IGF2BP2: variants seen among roughly 807,000 people sequenced by gnomAD.
IGF2BP2 encodes the protein insulin-like growth factor 2 mRNA-binding protein 2.
Under a neutral mutation model 75.8 loss-of-function variants are expected in IGF2BP2, and 17 were observed. That is an observed-to-expected ratio of 0.22 (90% CI 0.15 to 0.34). The LOEUF is 0.34. IGF2BP2 is among the 10% of genes least tolerant of loss of function. The probability of loss-of-function intolerance (pLI) is 1.00; values close to 1 mark genes in which losing one functional copy is unlikely to be tolerated. For missense variants in IGF2BP2, 516 were observed against 772.4 expected (o/e 0.67, Z 3.93); for synonymous variants, 288 against 295.6 (o/e 0.97, Z 0.26).
At chr3:185,824,744 G>C (rs761495115) in intron 1 of IGF2BP2, 39 bp downstream of exon 1, 115 of 1,263,210 alleles carry the variant, frequency 9.1e-5, no homozygotes, top group Non-Finnish European at 1.1e-4. Context: ...CGGCCTGAGC[G>C]GGGCGAGGCG....
At position 185,797,679 on chromosome 3, in the gene IGF2BP2, G is replaced by A. The variant is rs547807206; in HGVS notation, c.239+25474C>T. On this transcript the variant is annotated intron_variant, in intron 2 of 15. Coordinates refer to ENST00000382199, the MANE Select transcript of IGF2BP2 (RefSeq NM_006548.6). ...AGCACTGTGGGAGGCCAATGCAGGC[G>A]GATCAGCTGGGCCCAGGAGTTCGAG... Among the ~76,000 whole-genome samples the A allele has an allele frequency of 1.4e-4, 22 of 152,186 alleles. No individual in the cohort carries two copies. The East Asian group carries it at 3.1e-3, about 21-fold the overall frequency.
intron 7 of IGF2BP2, 105 bp downstream of exon 7, chr3:185,686,952 C>T (rs1164608567): frequency 1.6e-6 from 2 of 1,274,406 alleles, no homozygotes; most frequent in East Asian, 4.7e-5. Context: ...GCCTCTGTTA[C>T]TGAGTAACAG....
At position 185,667,518 on chromosome 3, in the gene IGF2BP2, T is replaced by C. The variant is rs192917778; in HGVS notation, c.1200+5023A>G. On this transcript the variant is annotated intron_variant, in intron 10 of 15. Coordinates refer to ENST00000382199, the MANE Select transcript of IGF2BP2 (RefSeq NM_006548.6). ...GAAAATAGGGGAGGATATTTTATTT[T>C]ACAGTCTTGGATGGAAGAAGGCTTT... is the stretch of plus-strand genomic sequence containing the variant. Among the ~76,000 whole-genome samples the C allele has an allele frequency of 3.6e-3, 555 of 152,308 alleles. 2 individuals carry two copies. Among genetic ancestry groups the C allele is most frequent in the African/African-American group, 0.013 (520 of 41,570 alleles).
intron 2 of IGF2BP2, among the ~76,000 whole-genome samples, chr3:185,812,115 T>C (rs1029289890): frequency 4.6e-5 from 7 of 152,224 alleles, no homozygotes; most frequent in African/African-American, 1.7e-4. Flanking sequence ...CTAGCACATT[T>C]GTTCGTTCTA....
rs139590159 is a variant in IGF2BP2 at position 185,701,435 on chromosome 3, C to T, written c.240-3088G>A. Among the ~76,000 whole-genome samples, 21 of 150,402 alleles carry T rather than the reference C, an allele frequency of 1.4e-4. No homozygotes were observed. The East Asian group carries it at 4.1e-3, about 29-fold the overall frequency. On this transcript the variant is annotated intron_variant, in intron 2 of 15. Transcript: ENST00000382199. ...CCAAGCCTCATTTTCTCCATAATTACACTAGGTATTCTTGAAATCTTATTT... is the reference window on the plus strand; with the variant it reads ...CCAAGCCTCATTTTCTCCATAATTATACTAGGTATTCTTGAAATCTTATTT...
chr3:185,709,737 GCTCCTCCCTCAAAGAGGAA>G (rs1724536297), intron 2 of IGF2BP2, among the ~76,000 whole-genome samples: 1 of 152,154 alleles, frequency 6.6e-6, no homozygotes, highest in Non-Finnish European at 1.5e-5. Flanking sequence ...CAAATCACTT[GCTCCTCCCTCAAAGAGGAA>G]CTCCTCCCTC....
rs1331774620 is a variant in IGF2BP2, at chr3:185,645,860, C to T, written c.1708-237G>A. Among the ~76,000 whole-genome samples, 1 of 152,172 alleles carries T rather than the reference C, an allele frequency of 6.6e-6. No homozygotes were observed. The highest frequency in any genetic ancestry group is 2.4e-5 in the African/African-American group (1 of 41,448). ...GGGTAAGGGGATGGGACTCCGGCAG[C>T]TTCCAGTTCACTGCTGGACGGACAG... On this transcript the variant is annotated intron_variant, in intron 15 of 15. Transcript: ENST00000382199. This position sits in a 1 kb window ranked among gnomAD's most constrained non-coding sequence, Gnocchi z 4.9.
chr3:185,788,311 G>A (rs940233596), intron 2 of IGF2BP2, among the ~76,000 whole-genome samples: 2 of 152,082 alleles, frequency 1.3e-5, no homozygotes, highest in Non-Finnish European at 2.9e-5. Flanking sequence ...CTTGAGCCTA[G>A]GAGTTCAAGA....
At chr3:185,772,577 C>CTTTT (rs368068706) in intron 2 of IGF2BP2, among the ~76,000 whole-genome samples, 63 of 118,156 alleles carry the variant, frequency 5.3e-4, no homozygotes, top group Non-Finnish European at 6.5e-4. Context: ...CCTTCTCTCT[C>CTTTT]TTTTTTTTTT....
intron 2 of IGF2BP2, chr3:185,712,582 AGC>A (rs2149422948): frequency 1.3e-5 from 2 of 152,336 alleles, no homozygotes; most frequent in South Asian, 4.1e-4. Context: ...CTAATGCCTC[AGC>A]CATGAGACAG....
rs749139196 is a variant in IGF2BP2, at chr3:185,643,914, C to T, written c.*1617G>A. The T allele has an allele frequency of 6.6e-5, 10 of 151,318 alleles. No individual in the cohort carries two copies. Among genetic ancestry groups the T allele is most frequent in the Admixed American group, 6.6e-4 (10 of 15,136 alleles). 9.4% of individuals were successfully genotyped at this position (151,318 alleles called of 1,614,324 possible). A position where few individuals can be genotyped will look rare whatever the true frequency, so the allele number is the denominator to read the frequency against. On this transcript the variant is annotated 3_prime_UTR_variant, in exon 16 of 16. Transcript: ENST00000382199. ...TTTAGCGCAAAAAGCCCTAATGGCG[C>T]GTACCCTATTAAAATTCAGGACATC...
chr3:185,691,781 C>CT (rs1285927198), intron 5 of IGF2BP2, among the ~76,000 whole-genome samples: 1 of 152,260 alleles, frequency 6.6e-6, no homozygotes, highest in Non-Finnish European at 1.5e-5. Flanking sequence ...GTTGCCCAGG[C>CT]TGGATGGTAG....
In IGF2BP2 at chr3:185,644,313, ACAT is replaced by A. The variant is rs1322897175; in HGVS notation, c.*1215_*1217del. On this transcript the variant is annotated 3_prime_UTR_variant, in exon 16 of 16. Transcript: ENST00000382199. ...CCTTGGTAAATTTCTACTTTCCTCC[ACAT>A]TTTTTTTTTTTAAAGAAAGGAATCA... 1.3e-5 allele frequency: 2 copies of A among 150,854 alleles called. No homozygotes were observed. Among genetic ancestry groups the A allele is most frequent in the Non-Finnish European group, 3.0e-5 (2 of 67,630 alleles). The allele number at this position is 150,854 out of a possible 1,614,324, so 9.3% of individuals were successfully genotyped here. A position where few individuals can be genotyped will look rare whatever the true frequency, so the allele number is the denominator to read the frequency against.
intron 2 of IGF2BP2, chr3:185,721,981 T>G: frequency 3.8e-6 from 1 of 262,230 alleles, no homozygotes; most frequent in Non-Finnish European, 7.5e-6. Flanking sequence ...TTGGCAGTTC[T>G]TAGAAACTTT....
intron 13 of IGF2BP2, among the ~76,000 whole-genome samples, chr3:185,651,604 TATAA>T (rs915113853): frequency 1.3e-5 from 2 of 152,230 alleles, no homozygotes; most frequent in African/African-American, 4.8e-5. Flanking sequence ...ATTGTACTTT[TATAA>T]ATAAATAAAT....
intron 2 of IGF2BP2, among the ~76,000 whole-genome samples, chr3:185,733,699 T>G (rs1344614959): frequency 6.6e-6 from 1 of 152,078 alleles, no homozygotes; most frequent in Non-Finnish European, 1.5e-5. Context: ...GAGGTTGTGG[T>G]GAGCCAAGAT....
chr3:185,665,189 AG>A (rs1717120252), intron 10 of IGF2BP2, among the ~76,000 whole-genome samples: 2 of 140,036 alleles, frequency 1.4e-5, no homozygotes, highest in African/African-American at 5.3e-5. Context: ...AAAAAAAAAG[AG>A]GAGAAGAAGG....
At chr3:185,792,670 G>A (rs1186169021) in intron 2 of IGF2BP2, among the ~76,000 whole-genome samples, 1 of 151,482 alleles carries the variant, frequency 6.6e-6, no homozygotes, top group Non-Finnish European at 1.5e-5. Flanking sequence ...GGGAGAGTGA[G>A]GCAGAGAATT....
intron 12 of IGF2BP2, among the ~76,000 whole-genome samples, chr3:185,656,762 C>T (rs1208630219): frequency 1.3e-5 from 2 of 152,254 alleles, no homozygotes; most frequent in Admixed American, 1.3e-4. Context: ...TCTGCATTCG[C>T]AGCCTTTCCA....
Sources: allele counts gnomAD v4.1 joint callset (sites outside exome capture counted in the v4.1 genomes callset), GRCh38; gene constraint gnomAD v4.1.1; non-coding constraint Gnocchi (gnomAD v3.1); transcripts MANE v1.5; gene names NCBI Gene and HGNC (gene_info 2026-07-23, HGNC 2026-07-21).